The following HNRNPA1L2 variants were observed in gnomAD, a reference collection of about 807,000 sequenced individuals.
HNRNPA1L2 encodes heterogeneous nuclear ribonucleoprotein A1 like 2.
A neutral mutation model predicts 18.2 loss-of-function variants in HNRNPA1L2; 10 were observed. The observed-to-expected ratio is 0.55, with a 90% CI of 0.34 to 0.93. The LOEUF (loss-of-function observed/expected upper bound fraction) is 0.93. Ranked by LOEUF, HNRNPA1L2 falls within the 40% of genes least tolerant of loss-of-function variation. The pLI is 0.02. For missense variants in HNRNPA1L2, 308 were observed against 394.4 expected (o/e 0.78, Z 1.85); for synonymous variants, 124 against 138.6 (o/e 0.89, Z 0.74).
the HNRNPA1L2 span, among the ~76,000 whole-genome samples, chr13:52,620,828 A>G: frequency 1.3e-5 from 2 of 152,138 alleles, no homozygotes; most frequent in Admixed American, 6.5e-5. Flanking sequence ...CAGTGAGCCA[A>G]GATCACGCCA....
In HNRNPA1L2 at chr13:52,643,636, C is replaced by T. The variant is rs1961741194; in HGVS notation, c.*181C>T. On this transcript the variant is annotated 3_prime_UTR_variant, in exon 1 of 1. Coordinates refer to ENST00000357495, the MANE Select transcript of HNRNPA1L2 (RefSeq NM_001389320.1). ...AAAAACTCGAGGACTGTATTTGTGA[C>T]TAATTGTATAACAGGTTATTTTAGT... 1 of 621,514 alleles carries T rather than the reference C, an allele frequency of 1.6e-6. No individual in the cohort carries two copies. The highest frequency in any genetic ancestry group is 2.6e-5 in the Admixed American group (1 of 38,258). 38.5% of individuals were successfully genotyped at this position (621,514 alleles called of 1,614,324 possible).
rs200354963 is a variant in HNRNPA1L2 at position 52,642,967 on chromosome 13, G to C, written c.475G>C (p.Val159Leu). 6.3e-7 allele frequency: 1 copy of C among 1,597,180 alleles called. No individual in the cohort carries two copies. Among genetic ancestry groups the C allele is most frequent in the Admixed American group, 1.7e-5 (1 of 59,998 alleles). The change falls in exon 1 of 1, where the codon GTG becomes CTG. Residue 159 changes from valine to leucine, a missense_variant. Val to Leu is a conservative substitution (Grantham distance 32). Coordinates refer to ENST00000357495, the MANE Select transcript of HNRNPA1L2 (RefSeq NM_001389320.1). ...AFVTFDDHDS[V>L]DKIVIQKYHT... ...TGTAACCTTTGACGACCATGACTCC[G>C]TGGATAAGATTGTCATTCAGAAATA...
chr13:52,638,737 G>A (rs184373064), upstream of HNRNPA1L2, among the ~76,000 whole-genome samples: 434 of 152,258 alleles, frequency 2.9e-3, 2 homozygotes, highest in African/African-American at 1.0e-2. Context: ...AAGCTAACCT[G>A]CTTTATAAAA....
upstream of HNRNPA1L2, among the ~76,000 whole-genome samples, chr13:52,640,573 C>T (rs1338399447): frequency 1.3e-5 from 2 of 152,192 alleles, no homozygotes; most frequent in Non-Finnish European, 2.9e-5. Flanking sequence ...TACATTTATT[C>T]ATTCAACCAA....
the HNRNPA1L2 span, among the ~76,000 whole-genome samples, chr13:52,625,525 T>C: frequency 2.0e-5 from 3 of 152,228 alleles, no homozygotes; most frequent in Non-Finnish European, 4.4e-5. Flanking sequence ...TTTTTATTAA[T>C]TAGAACTTTA....
chr13:52,617,616 C>A, the HNRNPA1L2 span: 1 of 473,468 alleles, frequency 2.1e-6, no homozygotes, highest in Non-Finnish European at 3.9e-6. Flanking sequence ...CACCCTTTGT[C>A]CCCTGGAAGC....
the HNRNPA1L2 span, among the ~76,000 whole-genome samples, chr13:52,629,568 T>G: frequency 6.6e-6 from 1 of 152,236 alleles, no homozygotes; most frequent in Non-Finnish European, 1.5e-5. Flanking sequence ...TTCTATACCT[T>G]AAATCAAAAT....
At chr13:52,635,192 C>T in the HNRNPA1L2 span, among the ~76,000 whole-genome samples, 2 of 151,996 alleles carry the variant, frequency 1.3e-5, no homozygotes, top group African/African-American at 4.8e-5. Flanking sequence ...CATAAAGGCT[C>T]ATAGAAACCG....
chr13:52,634,938 T>G, the HNRNPA1L2 span, among the ~76,000 whole-genome samples: 3 of 152,232 alleles, frequency 2.0e-5, no homozygotes, highest in African/African-American at 7.2e-5. Context: ...ACACATTTAA[T>G]AAATGTTTGC....
chr13:52,621,722 A>G, the HNRNPA1L2 span, among the ~76,000 whole-genome samples: 2 of 151,268 alleles, frequency 1.3e-5, no homozygotes, highest in East Asian at 3.9e-4. Flanking sequence ...TAGGTAAGTT[A>G]CTTCTCTGAT....
chr13:52,621,927 G>T, the HNRNPA1L2 span: 1 of 152,720 alleles, frequency 6.5e-6, no homozygotes, highest in Non-Finnish European at 1.5e-5. Flanking sequence ...TAGATACACG[G>T]TTTTTTGCTT....
At chr13:52,628,050 G>T in the HNRNPA1L2 span, among the ~76,000 whole-genome samples, 1 of 151,962 alleles carries the variant, frequency 6.6e-6, no homozygotes, top group Admixed American at 6.6e-5. Context: ...TAGACTCCTT[G>T]CTGCCTACAT....
At chr13:52,632,997 A>T in the HNRNPA1L2 span, among the ~76,000 whole-genome samples, 1 of 152,220 alleles carries the variant, frequency 6.6e-6, no homozygotes, top group African/African-American at 2.4e-5. Flanking sequence ...GGTGGGAGAC[A>T]TACCACACTA....
chr13:52,628,100 C>G, the HNRNPA1L2 span, among the ~76,000 whole-genome samples: 4 of 152,122 alleles, frequency 2.6e-5, no homozygotes, highest in East Asian at 7.7e-4. Flanking sequence ...GGAGAGTGAT[C>G]TAAATCTGTT....
chr13:52,643,238 A>G lies in HNRNPA1L2; in HGVS notation c.746A>G (p.Asn249Ser), dbSNP rs1181716380. The change falls in exon 1 of 1, where the codon AAT becomes AGT. Residue 249 changes from asparagine (N) to serine (S), a missense_variant. Physicochemically the swap from Asn to Ser is conservative, Grantham distance 46. Transcript: ENST00000357495. Reference protein sequence around the residue: ...GSGDGYNGFGNDGSNFGGGGS... With the variant: ...GSGDGYNGFGSDGSNFGGGGS... ...GGGGATGGCTATAATGGATTTGGTA[A>G]TGATGGAAGCAATTTTGGAGGTGGT... 1.3e-6 allele frequency: 2 copies of G among 1,596,696 alleles called. No homozygotes were observed. The highest frequency in any genetic ancestry group is 1.7e-5 in the Admixed American group (1 of 59,998).
At chr13:52,625,202 C>T in the HNRNPA1L2 span, among the ~76,000 whole-genome samples, 1 of 150,556 alleles carries the variant, frequency 6.6e-6, no homozygotes, top group Non-Finnish European at 1.5e-5. Context: ...GCAACCTCCG[C>T]CTTCTAGGTT....
At chr13:52,627,743 T>C in the HNRNPA1L2 span, among the ~76,000 whole-genome samples, 1 of 152,218 alleles carries the variant, frequency 6.6e-6, no homozygotes, top group Admixed American at 6.6e-5. Context: ...AAAAAACTTA[T>C]GTCTTAAGTA....
At chr13:52,628,536 G>A in the HNRNPA1L2 span, among the ~76,000 whole-genome samples, 1 of 152,100 alleles carries the variant, frequency 6.6e-6, no homozygotes, top group Non-Finnish European at 1.5e-5. Context: ...AAATACAAGG[G>A]CAATAAATAA....
chr13:52,628,992 C>G, the HNRNPA1L2 span, among the ~76,000 whole-genome samples: 1 of 152,168 alleles, frequency 6.6e-6, no homozygotes, highest in East Asian at 1.9e-4. Flanking sequence ...TCTCCTGCCT[C>G]AGCCTCCCAA....
Sources: gnomAD v4.1 joint callset for allele counts (sites outside exome capture counted in the v4.1 genomes callset) on GRCh38, gnomAD v4.1.1 for gene constraint, MANE v1.5 for transcripts, NCBI Gene and HGNC (gene_info 2026-07-23, HGNC 2026-07-21) for gene names.